The following DIAPH3 variants were observed in gnomAD, a reference collection of about 807,000 sequenced individuals.
DIAPH3 encodes protein diaphanous homolog 3.
A neutral mutation model predicts 144.3 loss-of-function variants in DIAPH3; 117 were observed. The ratio of observed to expected loss-of-function variants is 0.81; its 90% CI spans 0.70 to 0.95. DIAPH3 has a LOEUF of 0.95. DIAPH3 is among the 40% of genes least tolerant of loss of function. The probability of loss-of-function intolerance (pLI) is 0.00; values close to 1 mark genes in which losing one functional copy is unlikely to be tolerated. For synonymous variants in DIAPH3, 519 were observed against 488.9 expected (o/e 1.06, Z -0.81); for missense variants, 1,421 against 1,412.7 (o/e 1.01, Z -0.09).
At chr13:60,107,805 G>T (rs1325772559) in intron 3 of DIAPH3, among the ~76,000 whole-genome samples, 2 of 152,140 alleles carry the variant, frequency 1.3e-5, no homozygotes, top group Non-Finnish European at 1.5e-5. Flanking sequence ...TTCTAGACAG[G>T]AAGTCCAGAA....
chr13:60,138,620 G>A (rs1368629357), intron 1 of DIAPH3, among the ~76,000 whole-genome samples: 2 of 152,326 alleles, frequency 1.3e-5, no homozygotes, highest in Middle Eastern at 3.4e-3. Flanking sequence ...TAAATGCTTA[G>A]TCTAAGGTAC....
At chr13:59,752,233 G>A (rs1401368515) in intron 27 of DIAPH3, among the ~76,000 whole-genome samples, 6 of 152,128 alleles carry the variant, frequency 3.9e-5, no homozygotes, top group Admixed American at 2.0e-4. Context: ...AGGAAACCGA[G>A]GTGCAAAGAG....
intron 24 of DIAPH3, among the ~76,000 whole-genome samples, chr13:59,813,298 C>A (rs981105134): frequency 6.6e-6 from 1 of 151,816 alleles, no homozygotes; most frequent in African/African-American, 2.4e-5. Flanking sequence ...CATATATAAA[C>A]GCTAGTTATT....
At chr13:60,022,237 A>T (rs2054075518) in intron 5 of DIAPH3, among the ~76,000 whole-genome samples, 1 of 152,030 alleles carries the variant, frequency 6.6e-6, no homozygotes, top group Non-Finnish European at 1.5e-5. Flanking sequence ...GCATGCCTTT[A>T]TTTCCTTTTC....
At chr13:59,884,944 A>G (rs2045338823) in intron 20 of DIAPH3, among the ~76,000 whole-genome samples, 1 of 152,232 alleles carries the variant, frequency 6.6e-6, no homozygotes, top group Non-Finnish European at 1.5e-5. Flanking sequence ...TAATTTTTAC[A>G]TATTTCATAG....
At chr13:59,997,553 G>A (rs1307386304) in intron 9 of DIAPH3, among the ~76,000 whole-genome samples, 1 of 151,950 alleles carries the variant, frequency 6.6e-6, no homozygotes, top group Non-Finnish European at 1.5e-5. Flanking sequence ...TTTCTTTTGG[G>A]TGGATACTCG....
chr13:60,156,232 T>C (rs1952016240), intron 1 of DIAPH3, among the ~76,000 whole-genome samples: 1 of 152,176 alleles, frequency 6.6e-6, no homozygotes. Flanking sequence ...TAACAATACA[T>C]GTGTTTGCAT....
Position 59,991,181 on chromosome 13 carries a change from C to A in DIAPH3, c.1338G>T (p.Leu446=), listed in dbSNP as rs755635596. The A allele has an allele frequency of 6.2e-7, 1 of 1,606,792 alleles. No individual in the cohort carries two copies. The highest frequency in any genetic ancestry group is 1.1e-5 in the South Asian group (1 of 90,880). ...ACCTTATAAAATAATCATTTCGAATCAGCAAAAGATGCTGAAGAATAGAAA... is the reference window on the plus strand; with the variant it reads ...ACCTTATAAAATAATCATTTCGAATAAGCAAAAGATGCTGAAGAATAGAAA... ...YFISILQHLL[L]IRNDYFIRQQ... Residue 446 remains leucine, a synonymous_variant, in exon 12 of 28, where the codon CTG becomes CTT. Transcript: ENST00000400324.
intron 4 of DIAPH3, among the ~76,000 whole-genome samples, chr13:60,064,566 A>C (rs1260473629): frequency 6.6e-6 from 1 of 152,176 alleles, no homozygotes; most frequent in Non-Finnish European, 1.5e-5. Flanking sequence ...AAAACTGAAG[A>C]GAGTTAGGGC....
chr13:59,758,039 T>C (rs1315225089), intron 27 of DIAPH3, among the ~76,000 whole-genome samples: 2 of 152,192 alleles, frequency 1.3e-5, no homozygotes, highest in Non-Finnish European at 2.9e-5. Flanking sequence ...ACTCATATTA[T>C]CCATAGAAGA....
intron 22 of DIAPH3, among the ~76,000 whole-genome samples, chr13:59,859,797 T>C (rs2043474280): frequency 6.6e-6 from 1 of 152,140 alleles, no homozygotes; most frequent in South Asian, 2.1e-4. Context: ...TTACAACCCA[T>C]TCAGTTCAAT....
At chr13:60,032,253 G>A (rs1481523077) in intron 5 of DIAPH3, among the ~76,000 whole-genome samples, 1 of 152,162 alleles carries the variant, frequency 6.6e-6, no homozygotes, top group East Asian at 1.9e-4. Flanking sequence ...TGGGTCTGAA[G>A]AGCACTGACC....
chr13:60,086,705 A>G (rs1412159919), intron 4 of DIAPH3, among the ~76,000 whole-genome samples: 1 of 152,192 alleles, frequency 6.6e-6, no homozygotes, highest in African/African-American at 2.4e-5. Flanking sequence ...AAGAACAACC[A>G]AAAAGTGAGA....
intron 9 of DIAPH3, among the ~76,000 whole-genome samples, chr13:60,005,618 C>A (rs1215062514): frequency 6.6e-6 from 1 of 152,052 alleles, no homozygotes; most frequent in African/African-American, 2.4e-5. Context: ...GTAGCTGGGA[C>A]TACAGGCACC....
intron 2 of DIAPH3, 26 bp from the exon 3 acceptor site, chr13:60,112,212 C>G (rs375030690): frequency 6.2e-7 from 1 of 1,612,640 alleles, no homozygotes; most frequent in African/African-American, 1.3e-5. Flanking sequence ...GAATGACACA[C>G]GTGTAAGTAT....
chr13:59,978,788 C>T (rs375895598), intron 14 of DIAPH3, among the ~76,000 whole-genome samples: 25 of 151,712 alleles, frequency 1.6e-4, no homozygotes, highest in African/African-American at 4.8e-4. Context: ...AGCGATATTA[C>T]ACTTACAAAA....
intron 15 of DIAPH3, among the ~76,000 whole-genome samples, chr13:59,971,954 T>C (rs568063920): frequency 1.2e-4 from 18 of 152,354 alleles, no homozygotes; most frequent in African/African-American, 3.8e-4. Context: ...TTTACACTGA[T>C]AGCACCTTGT....
intron 9 of DIAPH3, among the ~76,000 whole-genome samples, chr13:59,999,587 C>T (rs930268210): frequency 2.0e-5 from 3 of 152,158 alleles, no homozygotes; most frequent in Non-Finnish European, 4.4e-5. Flanking sequence ...AGTCACAGTT[C>T]CCTGCTCCCA....
intron 25 of DIAPH3, among the ~76,000 whole-genome samples, chr13:59,780,160 C>G (rs1390503963): frequency 6.6e-6 from 1 of 151,846 alleles, no homozygotes; most frequent in Non-Finnish European, 1.5e-5. Context: ...CACCAAGATA[C>G]CTAGGCCCCA....
Sources: allele counts gnomAD v4.1 joint callset (sites outside exome capture counted in the v4.1 genomes callset), GRCh38; gene constraint gnomAD v4.1.1; transcripts MANE v1.5; gene names NCBI Gene and HGNC (gene_info 2026-07-23, HGNC 2026-07-21).